GRID2: variants seen among roughly 807,000 people sequenced by gnomAD.
GRID2 encodes the protein glutamate receptor ionotropic, delta-2.
A neutral mutation model predicts 114.8 loss-of-function variants in GRID2; 33 were observed. The ratio of observed to expected loss-of-function variants is 0.29; its 90% CI spans 0.22 to 0.38. The LOEUF is 0.38. Among genes scored for constraint, GRID2 ranks in the 10% least tolerant of loss-of-function variants. The pLI, the probability that GRID2 is intolerant of heterozygous loss-of-function variation, is 1.00. For missense variants in GRID2, 1,184 were observed against 1,257.7 expected (o/e 0.94, Z 0.89); for synonymous variants, 505 against 449.9 (o/e 1.12, Z -1.55).
chr4:93,215,046 A>C (rs1579314256), intron 5 of GRID2, among the ~76,000 whole-genome samples: 1 of 152,168 alleles, frequency 6.6e-6, no homozygotes, highest in Middle Eastern at 3.4e-3. Flanking sequence ...TCTGATTCAG[A>C]GTATCATCTG....
intron 1 of GRID2, among the ~76,000 whole-genome samples, chr4:92,438,956 A>C (rs541398096): frequency 1.6e-4 from 25 of 152,276 alleles, no homozygotes; most frequent in African/African-American, 6.0e-4. Context: ...CTTGCATTTC[A>C]TGCGCGTCCC....
At chr4:93,614,546 T>A in intron 13 of GRID2, among the ~76,000 whole-genome samples, 1 of 152,194 alleles carries the variant, frequency 6.6e-6, no homozygotes, top group Admixed American at 6.5e-5. Flanking sequence ...TAGTCATTTA[T>A]TTAAAATTAT....
At position 93,084,994 on chromosome 4, in the gene GRID2, GC is replaced by G. The variant is rs1168090707; in HGVS notation, c.246del (p.Cys83ValfsTer4). 1 of 1,612,872 alleles carries G rather than the reference GC, an allele frequency of 6.2e-7. No individual in the cohort carries two copies. The highest frequency in any genetic ancestry group is 1.3e-5 in the African/African-American group (1 of 74,908). ...TTGAATATTACTGTGCTTTCTTGCA[GC>G]CTGTGAACTTATGAATCAAGGCATC... ...GNNPFQAVQE[A>X]CELMNQGILA... On this transcript the variant is annotated frameshift_variant and splice_region_variant, in exon 3 of 16. Coordinates refer to ENST00000282020, the MANE Select transcript of GRID2 (RefSeq NM_001510.4). LOFTEE classifies it high-confidence loss of function.
chr4:92,307,882 C>T (rs1245295055), intron 1 of GRID2, among the ~76,000 whole-genome samples: 1 of 152,124 alleles, frequency 6.6e-6, no homozygotes, highest in Non-Finnish European at 1.5e-5. Flanking sequence ...TTGAATTATG[C>T]TTCTACTTTG....
chr4:92,737,840 A>T (rs1736675487), intron 2 of GRID2, among the ~76,000 whole-genome samples: 1 of 152,112 alleles, frequency 6.6e-6, no homozygotes. Flanking sequence ...TTTGTTTCTA[A>T]ACTAATACTA....
At chr4:93,752,558 G>T (rs906419123) in intron 14 of GRID2, among the ~76,000 whole-genome samples, 2 of 152,056 alleles carry the variant, frequency 1.3e-5, no homozygotes, top group Non-Finnish European at 2.9e-5. Flanking sequence ...GTTTAGTAGA[G>T]ACAGGGTTTC....
At chr4:93,061,608 A>G (rs1474955521) in intron 2 of GRID2, among the ~76,000 whole-genome samples, 1 of 152,180 alleles carries the variant, frequency 6.6e-6, no homozygotes, top group Non-Finnish European at 1.5e-5. Flanking sequence ...GAATTATCAA[A>G]GCAGACTAGC....
chr4:93,577,664 G>C (rs1736552975), intron 13 of GRID2, among the ~76,000 whole-genome samples: 1 of 152,178 alleles, frequency 6.6e-6, no homozygotes, highest in South Asian at 2.1e-4. Context: ...GATAAAACTA[G>C]TCCTTGCCTT....
Position 93,310,426 on chromosome 4 carries a change from G to C in GRID2, c.1245+71936G>C, listed in dbSNP as rs142579646. On this transcript the variant is annotated intron_variant, in intron 8 of 15. Coordinates refer to ENST00000282020, the MANE Select transcript of GRID2 (RefSeq NM_001510.4). ...CACTCCTGTAGTCCCAGCTACTTGG[G>C]AGGCTGAGGCAGGAGAATCGCTTGA... Among the ~76,000 whole-genome samples the C allele has an allele frequency of 8.9e-4, 135 of 152,264 alleles. 1 individual carries two copies. The highest frequency in any genetic ancestry group is 3.1e-3 in the African/African-American group (128 of 41,546).
At chr4:92,490,329 C>T in intron 1 of GRID2, among the ~76,000 whole-genome samples, 1 of 152,084 alleles carries the variant, frequency 6.6e-6, no homozygotes, top group Non-Finnish European at 1.5e-5. Flanking sequence ...TTATAGGTAT[C>T]TTTATTGATT....
chr4:92,448,312 C>T (rs1161116136), intron 1 of GRID2, among the ~76,000 whole-genome samples: 2 of 152,006 alleles, frequency 1.3e-5, no homozygotes, highest in African/African-American at 4.8e-5. Flanking sequence ...ATAGCCGGGA[C>T]TATAGGTACA....
chr4:93,681,333 C>T (rs995799764), intron 14 of GRID2, among the ~76,000 whole-genome samples: 3 of 151,438 alleles, frequency 2.0e-5, no homozygotes, highest in African/African-American at 4.9e-5. Context: ...GAATCAATAT[C>T]GTGAAAATGA....
At chr4:93,398,133 G>A (rs376282934) in intron 9 of GRID2, among the ~76,000 whole-genome samples, 1 of 122,330 alleles carries the variant, frequency 8.2e-6, no homozygotes, top group Non-Finnish European at 1.6e-5. Flanking sequence ...ATGTGTGTGT[G>A]TATATATATA....
chr4:93,444,162 G>A (rs1335125608), intron 10 of GRID2, among the ~76,000 whole-genome samples: 1 of 151,922 alleles, frequency 6.6e-6, no homozygotes, highest in African/African-American at 2.4e-5. Flanking sequence ...ATTAGAAAAG[G>A]AAAACTAGGT....
At chr4:92,419,457 A>T (rs571631839) in intron 1 of GRID2, among the ~76,000 whole-genome samples, 4 of 152,272 alleles carry the variant, frequency 2.6e-5, no homozygotes, top group African/African-American at 9.6e-5. Flanking sequence ...GTAAATTAAG[A>T]TGACGGATAA....
chr4:93,007,559 G>A (rs1476267586), intron 2 of GRID2, among the ~76,000 whole-genome samples: 1 of 152,002 alleles, frequency 6.6e-6, no homozygotes, highest in Non-Finnish European at 1.5e-5. Flanking sequence ...ATTATTTTGT[G>A]AATACTATAC....
At chr4:92,823,171 G>A (rs971326434) in intron 2 of GRID2, 1 of 152,164 alleles carries the variant, frequency 6.6e-6, no homozygotes, top group African/African-American at 2.4e-5. Context: ...TGAATTGTTT[G>A]CCCTTTGCCC....
chr4:92,880,534 T>G (rs533035524), intron 2 of GRID2, among the ~76,000 whole-genome samples: 2 of 152,328 alleles, frequency 1.3e-5, no homozygotes, highest in Admixed American at 1.3e-4. Context: ...TGAAGGCAAC[T>G]GAATTTTGAA....
chr4:93,751,433 AT>A (rs139744389), intron 14 of GRID2, among the ~76,000 whole-genome samples: 6,174 of 151,506 alleles, frequency 0.041, 410 homozygotes, highest in African/African-American at 0.14. Context: ...TATTCCTCTC[AT>A]TTTTCCACAT....
Sources: gnomAD v4.1 joint callset for allele counts (sites outside exome capture counted in the v4.1 genomes callset) on GRCh38, gnomAD v4.1.1 for gene constraint, MANE v1.5 for transcripts, NCBI Gene and HGNC (gene_info 2026-07-23, HGNC 2026-07-21) for gene names.